Variants in ADCY1 observed in about 807,000 individuals in gnomAD.
ADCY1 encodes the protein adenylate cyclase 1, also known as adenylate cyclase type 1.
Under a neutral mutation model 105.4 loss-of-function variants are expected in ADCY1, and 28 were observed. That is an observed-to-expected ratio of 0.27 (90% CI 0.20 to 0.36). ADCY1 has a LOEUF of 0.36. Ranked by LOEUF, ADCY1 falls within the 10% of genes least tolerant of loss-of-function variation. The pLI is 1.00. For synonymous variants in ADCY1, 655 were observed against 623.8 expected (o/e 1.05, Z -0.75); for missense variants, 977 against 1,434.2 (o/e 0.68, Z 5.15).
At chr7:45,606,624 A>G (rs923983784) in intron 2 of ADCY1, among the ~76,000 whole-genome samples, 5 of 152,298 alleles carry the variant, frequency 3.3e-5, no homozygotes, top group East Asian at 3.9e-4. Flanking sequence ...GATGTGTAAC[A>G]TCCAGGACTT....
intron 8 of ADCY1, among the ~76,000 whole-genome samples, chr7:45,676,999 CT>C (rs1398227550): frequency 3.3e-5 from 5 of 151,166 alleles, no homozygotes; most frequent in Non-Finnish European, 7.4e-5. Flanking sequence ...CATTTTTTGG[CT>C]GCTGGTTTCT....
intron 4 of ADCY1, among the ~76,000 whole-genome samples, chr7:45,629,019 G>A (rs1031013084): frequency 3.7e-4 from 56 of 152,286 alleles, no homozygotes; most frequent in African/African-American, 1.3e-3. Context: ...ATATGTACAC[G>A]TGTGAAGCCA....
At chr7:45,592,151 G>A (rs1792936818) in intron 1 of ADCY1, among the ~76,000 whole-genome samples, 1 of 151,914 alleles carries the variant, frequency 6.6e-6, no homozygotes, top group African/African-American at 2.4e-5. Context: ...TATTCTCCAG[G>A]GGTCTTGGTT....
rs1048435640 is a variant in ADCY1, at chr7:45,616,555, C to G, written c.908+6058C>G. 3.3e-5 allele frequency among the ~76,000 whole-genome samples: 5 copies of G among 152,050 alleles called. No individual in the cohort carries two copies. In the East Asian group the frequency reaches 7.7e-4, roughly 23 times the overall value. On this transcript the variant is annotated intron_variant, in intron 3 of 19. Coordinates refer to ENST00000297323, the MANE Select transcript of ADCY1 (RefSeq NM_021116.4). The stretch of plus-strand genomic sequence containing the variant: ...GTGATAACAACATGTTAAGAGAATA[C>G]GGAATACAAATCATGTGATCATCTC...
In ADCY1 at chr7:45,592,869, T is replaced by C. The variant is rs1162448888; in HGVS notation, c.750T>C (p.Ile250=). The part of the protein sequence containing the change: ...RKAFLQARSC[I]EDRLRLEDEN... The stretch of plus-strand genomic sequence containing the variant: ...CGTTCCTGCAGGCCCGGAGCTGCAT[T>C]GAGGACCGACTGAGGCTGGAGGATG... Residue 250 remains isoleucine, a synonymous_variant, in exon 2 of 20, where the codon ATT becomes ATC. Coordinates refer to ENST00000297323, the MANE Select transcript of ADCY1 (RefSeq NM_021116.4). 6.2e-7 allele frequency: 1 copy of C among 1,614,174 alleles called. No homozygotes were observed. The highest frequency in any genetic ancestry group is 8.5e-7 in the Non-Finnish European group (1 of 1,180,032).
chr7:45,594,601 G>T (rs1793020325), intron 2 of ADCY1, among the ~76,000 whole-genome samples: 1 of 151,916 alleles, frequency 6.6e-6, no homozygotes, highest in Non-Finnish European at 1.5e-5. Context: ...GACACTTGCT[G>T]CCTTTCCTAA....
At position 45,686,450 on chromosome 7, in the gene ADCY1, A is replaced by G; in HGVS notation, c.2328-97A>G. ...CAGCAAGCTGTTTTTGGGTGTCACCACCTGAGGGTCACTCTGAACAGTTCT... is the reference window on the plus strand; with the variant it reads ...CAGCAAGCTGTTTTTGGGTGTCACCGCCTGAGGGTCACTCTGAACAGTTCT... On this transcript the variant is annotated intron_variant, in intron 13 of 19. Transcript: ENST00000297323. The surrounding 1 kb of genome is among the most constrained non-coding windows in gnomAD (Gnocchi z 4.3). 6.6e-7 allele frequency: 1 copy of G among 1,512,188 alleles called. No individual in the cohort carries two copies. The highest frequency in any genetic ancestry group is 1.3e-5 in the South Asian group (1 of 75,356). The allele number at this position is 1,512,188 out of a possible 1,614,324, so 93.7% of individuals were successfully genotyped here.
intron 1 of ADCY1, among the ~76,000 whole-genome samples, chr7:45,580,312 G>A (rs1792493027): frequency 6.6e-6 from 1 of 152,322 alleles, no homozygotes; most frequent in Non-Finnish European, 1.5e-5. Context: ...GATGGAAAGT[G>A]GGCTGAGGGG....
At chr7:45,682,935 GC>G (rs1441636738) in intron 11 of ADCY1, among the ~76,000 whole-genome samples, 1 of 152,188 alleles carries the variant, frequency 6.6e-6, no homozygotes, top group African/African-American at 2.4e-5. Flanking sequence ...ATCAGAGACA[GC>G]CCGAGGGCTT....
At chr7:45,664,507 T>C in intron 8 of ADCY1, 2 of 1,395,980 alleles carry the variant, frequency 1.4e-6, no homozygotes, top group Admixed American at 2.6e-5. Flanking sequence ...GTAAACATAA[T>C]TGATTATGGA....
intron 4 of ADCY1, among the ~76,000 whole-genome samples, chr7:45,630,956 T>C (rs1794231371): frequency 6.6e-6 from 1 of 152,202 alleles, no homozygotes; most frequent in African/African-American, 2.4e-5. Flanking sequence ...AAAATCTCTC[T>C]GGATTTCAGT....
rs757181274 is a variant in ADCY1 at position 45,686,699 on chromosome 7, G to A, written c.2454+26G>A. On this transcript the variant is annotated intron_variant, in intron 14 of 19. Coordinates refer to ENST00000297323, the MANE Select transcript of ADCY1 (RefSeq NM_021116.4). This position sits in a 1 kb window ranked among gnomAD's most constrained non-coding sequence, Gnocchi z 4.3. Reference sequence around the variant, plus strand: ...GCAAGACGAGCCCTTTCTGCTTTCTGGGGGTGGGGGATTTAGAGGAGGAAG... The same window carrying A: ...GCAAGACGAGCCCTTTCTGCTTTCTAGGGGTGGGGGATTTAGAGGAGGAAG... 11 of 1,578,332 alleles carry A rather than the reference G, an allele frequency of 7.0e-6. No individual in the cohort carries two copies. In the African/African-American group the frequency reaches 1.2e-4, roughly 17 times the overall value.
rs768578054 is a variant in ADCY1 at position 45,686,076 on chromosome 7, G to T, written c.2188G>T (p.Ala730Ser). 14 of 1,614,118 alleles carry T rather than the reference G, an allele frequency of 8.7e-6. No homozygotes were observed. The highest frequency in any genetic ancestry group is 1.2e-5 in the Non-Finnish European group (14 of 1,180,018). Residue 730 changes from alanine to serine, a missense_variant, in exon 13 of 20, where the codon GCC (alanine) becomes TCC (serine). Physicochemically the swap from Ala to Ser is moderately conservative, Grantham distance 99. Around this residue, in one of 7 missense-constraint regions of ADCY1, gnomAD observed 275 missense variants for 362.1 expected, o/e 0.76. Coordinates refer to ENST00000297323, the MANE Select transcript of ADCY1 (RefSeq NM_021116.4). This position sits in a 1 kb window ranked among gnomAD's most constrained non-coding sequence, Gnocchi z 4.3. ...PTLPCESTHH[A>S]LLCCLVGTLP... ...CCTGCCCTGCGAGTCTACACACCAT[G>T]CCCTGCTCTGCTGCCTGGTGGGCAC...
At position 45,685,182 on chromosome 7, in the gene ADCY1, A is replaced by T. The variant is rs568909928; in HGVS notation, c.2073+114A>T. 2.8e-5 allele frequency: 28 copies of T among 1,007,566 alleles called. No individual in the cohort carries two copies. The South Asian group carries it at 3.7e-4, about 13-fold the overall frequency. 62.4% of individuals were successfully genotyped at this position (1,007,566 alleles called of 1,614,324 possible). A position where few individuals can be genotyped will look rare whatever the true frequency, so the allele number is the denominator to read the frequency against. ...AGACAGGGAGGTCATCAGAGACGTC[A>T]GTAACAGGCATGGGGCCCCAAGGAG... is the stretch of plus-strand genomic sequence containing the variant. On this transcript the variant is annotated intron_variant, in intron 12 of 19. Coordinates refer to ENST00000297323, the MANE Select transcript of ADCY1 (RefSeq NM_021116.4).
At position 45,679,332 on chromosome 7, in the gene ADCY1, C is replaced by G. The variant is rs139153527; in HGVS notation, c.1899-377C>G. The stretch of plus-strand genomic sequence containing the variant: ...TTAAGCGTTTTCTAAAAATGCCCTT[C>G]CCAGACAAAGCCCAGCTAGAGAATA... On this transcript the variant is annotated intron_variant, in intron 10 of 19. Transcript: ENST00000297323. Among the ~76,000 whole-genome samples, 13 of 152,298 alleles carry G rather than the reference C, an allele frequency of 8.5e-5. No individual in the cohort carries two copies. The East Asian group carries it at 2.5e-3, about 29-fold the overall frequency.
chr7:45,641,880 T>C (rs911645090), intron 4 of ADCY1, among the ~76,000 whole-genome samples: 1 of 112,982 alleles, frequency 8.9e-6, no homozygotes, highest in South Asian at 3.7e-4. Context: ...GAGCCGAGAT[T>C]GCGCCACTGC....
chr7:45,664,419 A>T (rs1293538942), intron 8 of ADCY1: 1 of 1,535,698 alleles, frequency 6.5e-7, no homozygotes. Flanking sequence ...TGCTGCAAGG[A>T]TGAGCTCCTG....
At position 45,586,235 on chromosome 7, in the gene ADCY1, C is replaced by T. The variant is rs1013595127; in HGVS notation, c.640-6524C>T. Among the ~76,000 whole-genome samples the T allele has an allele frequency of 5.3e-5, 8 of 152,064 alleles. No homozygotes were observed. The East Asian group carries it at 5.8e-4, about 11-fold the overall frequency. On this transcript the variant is annotated intron_variant, in intron 1 of 19. Coordinates refer to ENST00000297323, the MANE Select transcript of ADCY1 (RefSeq NM_021116.4). ...GCACCATGGAGGAACAGGCTGCATG[C>T]GGCCCTAACACCCCCTTGGAACTGA...
At chr7:45,659,651 G>T (rs533414559) in intron 6 of ADCY1, among the ~76,000 whole-genome samples, 12 of 152,204 alleles carry the variant, frequency 7.9e-5, no homozygotes, top group Non-Finnish European at 1.8e-4. Flanking sequence ...GTGCTGACCA[G>T]ACCAGACCAT....
Sources: allele counts gnomAD v4.1 joint callset (sites outside exome capture counted in the v4.1 genomes callset), GRCh38; gene constraint gnomAD v4.1.1; regional missense constraint gnomAD v4.1.1; non-coding constraint Gnocchi (gnomAD v3.1); transcripts MANE v1.5; gene names NCBI Gene and HGNC (gene_info 2026-07-23, HGNC 2026-07-21).